HTR7: variants seen among roughly 807,000 people sequenced by gnomAD.
The protein encoded by HTR7 is 5-hydroxytryptamine receptor 7.
Under a neutral mutation model 34.0 loss-of-function variants are expected in HTR7, and 16 were observed. The ratio of observed to expected loss-of-function variants is 0.47; its 90% CI spans 0.32 to 0.71. HTR7 has a LOEUF of 0.71. Ranked by LOEUF, HTR7 falls within the 30% of genes least tolerant of loss-of-function variation. HTR7 has a pLI of 0.04. For synonymous variants in HTR7, 265 were observed against 260.2 expected, an observed-to-expected ratio of 1.02 and a Z score of -0.18; for missense variants, 504 against 625.5, an observed-to-expected ratio of 0.81 and a Z score of 2.07.
At chr10:90,800,263 C>G (rs1845603914) in intron 1 of HTR7, among the ~76,000 whole-genome samples, 1 of 152,164 alleles carries the variant, frequency 6.6e-6, no homozygotes, top group African/African-American at 2.4e-5. Context: ...AAACACACAT[C>G]TATTAGCAAT....
chr10:90,846,056 G>C (rs1846409692), intron 1 of HTR7, among the ~76,000 whole-genome samples: 1 of 152,228 alleles, frequency 6.6e-6, no homozygotes, highest in Admixed American at 6.5e-5. Context: ...GAGAAGAAAT[G>C]TGTACAAGTT....
At chr10:90,797,207 T>C (rs1025360785) in intron 1 of HTR7, among the ~76,000 whole-genome samples, 1 of 152,196 alleles carries the variant, frequency 6.6e-6, no homozygotes, top group African/African-American at 2.4e-5. Flanking sequence ...AAGCTTTTTA[T>C]AGCTTTTATC....
intron 1 of HTR7, among the ~76,000 whole-genome samples, chr10:90,840,047 AAC>A (rs1846304039): frequency 6.6e-6 from 1 of 151,382 alleles, no homozygotes; most frequent in African/African-American, 2.4e-5. Context: ...GGCAAGCAGT[AAC>A]AGTTTGCTTA....
chr10:90,744,859 C>G (rs1844610105), intron 2 of HTR7, among the ~76,000 whole-genome samples: 1 of 152,188 alleles, frequency 6.6e-6, no homozygotes, highest in Non-Finnish European at 1.5e-5. Flanking sequence ...CTAACAGTTC[C>G]TGCACCCAAA....
At chr10:90,834,154 T>C (rs1426249683) in intron 1 of HTR7, among the ~76,000 whole-genome samples, 1 of 152,192 alleles carries the variant, frequency 6.6e-6, no homozygotes, top group African/African-American at 2.4e-5. Flanking sequence ...GAGCTACTGG[T>C]GCACACACAC....
chr10:90,763,842 C>T (rs1162567500), intron 1 of HTR7, among the ~76,000 whole-genome samples: 5 of 152,302 alleles, frequency 3.3e-5, no homozygotes, highest in South Asian at 2.1e-4. Flanking sequence ...ATATGTACCA[C>T]GTTTTCTTTA....
At chr10:90,773,299 T>G (rs1381159624) in intron 1 of HTR7, among the ~76,000 whole-genome samples, 1 of 152,214 alleles carries the variant, frequency 6.6e-6, no homozygotes, top group Non-Finnish European at 1.5e-5. Context: ...TTAATGAATT[T>G]TCCTCTATAG....
At chr10:90,767,132 T>TC (rs1845037572) in intron 1 of HTR7, among the ~76,000 whole-genome samples, 2 of 152,110 alleles carry the variant, frequency 1.3e-5, no homozygotes, top group Admixed American at 6.5e-5. Context: ...TGGGATGAGG[T>TC]CACGGGCTTT....
At chr10:90,809,578 A>T (rs1845767900) in intron 1 of HTR7, among the ~76,000 whole-genome samples, 1 of 152,188 alleles carries the variant, frequency 6.6e-6, no homozygotes, top group Admixed American at 6.5e-5. Flanking sequence ...AAAAAGTTGC[A>T]ATTCCTTGCC....
intron 1 of HTR7, among the ~76,000 whole-genome samples, chr10:90,819,451 G>T (rs552017809): frequency 2.9e-4 from 44 of 152,306 alleles, no homozygotes; most frequent in African/African-American, 1.0e-3. Context: ...GGGATGCAAA[G>T]CCCACAGGAA....
At chr10:90,819,396 CCCTT>C (rs1845943920) in intron 1 of HTR7, among the ~76,000 whole-genome samples, 1 of 152,166 alleles carries the variant, frequency 6.6e-6, no homozygotes, top group Non-Finnish European at 1.5e-5. Flanking sequence ...CTCTCCTCCT[CCCTT>C]ATCACTAAGC....
intron 1 of HTR7, among the ~76,000 whole-genome samples, chr10:90,786,952 ATCT>A (rs1377563068): frequency 2.0e-5 from 3 of 152,164 alleles, no homozygotes; most frequent in African/African-American, 7.2e-5. Flanking sequence ...TCTCAGGAAG[ATCT>A]TCTTAGGAAA....
intron 1 of HTR7, among the ~76,000 whole-genome samples, chr10:90,753,736 T>C (rs1844782051): frequency 6.6e-6 from 1 of 151,952 alleles, no homozygotes; most frequent in South Asian, 2.1e-4. Flanking sequence ...AGATATGATA[T>C]ATATATATAC....
At chr10:90,769,468 G>C (rs1192006129) in intron 1 of HTR7, among the ~76,000 whole-genome samples, 2 of 152,174 alleles carry the variant, frequency 1.3e-5, no homozygotes, top group African/African-American at 4.8e-5. Flanking sequence ...ATGTGCATAT[G>C]TATGCATATT....
chr10:90,801,962 A>C (rs2119925569), intron 1 of HTR7, among the ~76,000 whole-genome samples: 1 of 152,286 alleles, frequency 6.6e-6, no homozygotes, highest in South Asian at 2.1e-4. Flanking sequence ...TCTCAGAAAT[A>C]GCCTTTTTTG....
At chr10:90,804,126 A>G (rs1300889214) in intron 1 of HTR7, among the ~76,000 whole-genome samples, 1 of 152,146 alleles carries the variant, frequency 6.6e-6, no homozygotes, top group Non-Finnish European at 1.5e-5. Flanking sequence ...TAACTTCAGA[A>G]GACAAGACTT....
intron 1 of HTR7, among the ~76,000 whole-genome samples, chr10:90,815,524 A>T (rs1202041276): frequency 6.6e-6 from 1 of 152,166 alleles, no homozygotes; most frequent in Non-Finnish European, 1.5e-5. Flanking sequence ...CTCAGGCAAT[A>T]TTAAATGGAC....
chr10:90,767,614 A>G (rs1182012763), intron 1 of HTR7, among the ~76,000 whole-genome samples: 2 of 152,122 alleles, frequency 1.3e-5, no homozygotes, highest in African/African-American at 4.8e-5. Context: ...TTACCAACAG[A>G]GAGTACAGCA....
chr10:90,789,742 T>G (rs928908690), intron 1 of HTR7, among the ~76,000 whole-genome samples: 1 of 152,168 alleles, frequency 6.6e-6, no homozygotes, highest in Non-Finnish European at 1.5e-5. Context: ...GATGGTATAC[T>G]GTCTGTGGTG....
Sources: gnomAD v4.1 joint callset for allele counts (sites outside exome capture counted in the v4.1 genomes callset) on GRCh38, gnomAD v4.1.1 for gene constraint, MANE v1.5 for transcripts, NCBI Gene and HGNC (gene_info 2026-07-23, HGNC 2026-07-21) for gene names.